LIMCH1: variants seen among roughly 807,000 people sequenced by gnomAD.
LIMCH1 encodes the protein LIM and calponin homology domains 1.
In LIMCH1, 113 loss-of-function variants were observed where a neutral mutation model predicts 176.5. The observed-to-expected ratio is 0.64, with a 90% CI of 0.55 to 0.75. The LOEUF is 0.75. Among genes scored for constraint, LIMCH1 ranks in the 30% least tolerant of loss-of-function variants. The pLI, the probability that LIMCH1 is intolerant of heterozygous loss-of-function variation, is 0.00. For missense variants in LIMCH1, 1,674 were observed against 1,814.9 expected (o/e 0.92, Z 1.41); for synonymous variants, 619 against 645.9 (o/e 0.96, Z 0.63).
chr4:41,390,269 A>AGAGAGAGAGAGAGAGAGAGAGAGAGC (rs760332127), intron 1 of LIMCH1, among the ~76,000 whole-genome samples: 1 of 150,422 alleles, frequency 6.6e-6, no homozygotes, highest in Middle Eastern at 3.4e-3. Context: ...AGAGAGAGAG[A>AGAGAGAGAGAGAGAGAGAGAGAGAGC]GAGAGCGAGA....
chr4:41,400,956 G>A (rs576570114), intron 1 of LIMCH1, among the ~76,000 whole-genome samples: 12 of 152,066 alleles, frequency 7.9e-5, no homozygotes, highest in East Asian at 5.8e-4. Context: ...AGTAGGTTGC[G>A]AAAATTTTCT....
At chr4:41,463,545 C>T (rs1435978868) in intron 1 of LIMCH1, among the ~76,000 whole-genome samples, 1 of 151,678 alleles carries the variant, frequency 6.6e-6, no homozygotes, top group Non-Finnish European at 1.5e-5. Flanking sequence ...CTGCTCCCTA[C>T]CCCTCACTTC....
At chr4:41,567,026 C>G (rs1458808402) in intron 1 of LIMCH1, among the ~76,000 whole-genome samples, 2 of 152,186 alleles carry the variant, frequency 1.3e-5, no homozygotes, top group African/African-American at 4.8e-5. Context: ...TGCTCAAACT[C>G]CTCTATTCTT....
rs569511835 is a variant in LIMCH1, at chr4:41,666,070, C to T, written c.3292-491C>T. ...GGCAAAGTATACTGTCTTTAATGTGCTTTGCATAAATTTGTGGGGGGTTAT... is the reference window on the plus strand; with the variant it reads ...GGCAAAGTATACTGTCTTTAATGTGTTTTGCATAAATTTGTGGGGGGTTAT... On this transcript the variant is annotated intron_variant, in intron 20 of 31. Transcript: ENST00000503057. Among the ~76,000 whole-genome samples, 56 of 152,224 alleles carry T rather than the reference C, an allele frequency of 3.7e-4. 1 individual carries two copies. In the South Asian group the frequency reaches 8.7e-3, roughly 24 times the overall value.
intron 1 of LIMCH1, chr4:41,551,224 T>C (rs2080369032): frequency 6.6e-6 from 1 of 152,198 alleles, no homozygotes; most frequent in South Asian, 2.1e-4. Flanking sequence ...AGGGGAAATA[T>C]GTCTTTGATC....
intron 24 of LIMCH1, 128 bp downstream of exon 24, chr4:41,680,226 A>G (rs1714610980): frequency 6.0e-6 from 4 of 661,276 alleles, no homozygotes; most frequent in South Asian, 3.7e-5. Context: ...GCAGAATCCC[A>G]TCAAGCTCTT....
chr4:41,682,124 C>G (rs1238647970), intron 25 of LIMCH1, among the ~76,000 whole-genome samples: 1 of 152,160 alleles, frequency 6.6e-6, no homozygotes, highest in Non-Finnish European at 1.5e-5. Context: ...CTAATCAATT[C>G]CCTTTTGTGA....
chr4:41,495,694 A>G (rs1162479976), intron 2 of LIMCH1, among the ~76,000 whole-genome samples: 1 of 152,164 alleles, frequency 6.6e-6, no homozygotes, highest in Non-Finnish European at 1.5e-5. Flanking sequence ...ATAATAAAAA[A>G]TGTATAACTC....
chr4:41,566,189 G>A (rs1200620078), intron 1 of LIMCH1, among the ~76,000 whole-genome samples: 1 of 152,092 alleles, frequency 6.6e-6, no homozygotes, highest in Non-Finnish European at 1.5e-5. Flanking sequence ...CATCTATGAG[G>A]ACTGGAATCA....
intron 1 of LIMCH1, among the ~76,000 whole-genome samples, chr4:41,540,648 A>G (rs1223685346): frequency 6.6e-6 from 1 of 152,190 alleles, no homozygotes; most frequent in Non-Finnish European, 1.5e-5. Context: ...CTGAGGCAGG[A>G]GAATCGCTTG....
At chr4:41,617,770 A>G (rs893232832) in intron 5 of LIMCH1, among the ~76,000 whole-genome samples, 3 of 152,156 alleles carry the variant, frequency 2.0e-5, no homozygotes, top group Admixed American at 6.5e-5. Context: ...TTTTATTCCT[A>G]TTTTACAGAA....
At chr4:41,429,677 T>C (rs1393495558) in intron 1 of LIMCH1, among the ~76,000 whole-genome samples, 1 of 152,234 alleles carries the variant, frequency 6.6e-6, no homozygotes, top group Non-Finnish European at 1.5e-5. Context: ...TCATTAAATT[T>C]TCATTCAGTG....
At chr4:41,405,611 A>T (rs1476638946) in intron 1 of LIMCH1, among the ~76,000 whole-genome samples, 1 of 151,922 alleles carries the variant, frequency 6.6e-6, no homozygotes, top group Admixed American at 6.6e-5. Context: ...GTAGTCCATT[A>T]CCCCTCCTCT....
At chr4:41,424,851 CA>C (rs1236640817) in intron 1 of LIMCH1, among the ~76,000 whole-genome samples, 3 of 152,184 alleles carry the variant, frequency 2.0e-5, no homozygotes, top group Admixed American at 6.5e-5. Flanking sequence ...TGGTATCATT[CA>C]TCTTCTGTTT....
intron 21 of LIMCH1, chr4:41,671,061 A>G (rs1485292693): frequency 1.3e-6 from 1 of 757,984 alleles, no homozygotes; most frequent in African/African-American, 1.9e-5. Context: ...CTGCCTTTAA[A>G]AAAAAAAAAA....
intron 10 of LIMCH1, 116 bp downstream of exon 10, chr4:41,631,593 T>C: frequency 6.0e-6 from 5 of 839,394 alleles, no homozygotes; most frequent in Non-Finnish European, 8.8e-6. Context: ...TAACAGACTA[T>C]GTATAGCAGA....
intron 2 of LIMCH1, among the ~76,000 whole-genome samples, chr4:41,522,244 A>G (rs942067044): frequency 4.6e-5 from 7 of 152,308 alleles, no homozygotes; most frequent in Admixed American, 3.3e-4. Flanking sequence ...CTCCATATGT[A>G]TGGATGAGGG....
At chr4:41,598,412 T>A (rs1359611953) in intron 1 of LIMCH1, among the ~76,000 whole-genome samples, 1 of 152,092 alleles carries the variant, frequency 6.6e-6, no homozygotes, top group Non-Finnish European at 1.5e-5. Context: ...ACTCAGTGTA[T>A]AATCCACAAA....
At chr4:41,436,074 C>T (rs565563247) in intron 1 of LIMCH1, among the ~76,000 whole-genome samples, 4 of 152,208 alleles carry the variant, frequency 2.6e-5, no homozygotes, top group African/African-American at 7.2e-5. Context: ...AAGTTTAGTT[C>T]TAATAAAGCT....
Sources: gnomAD v4.1 joint callset for allele counts (sites outside exome capture counted in the v4.1 genomes callset) on GRCh38, gnomAD v4.1.1 for gene constraint, MANE v1.5 for transcripts, NCBI Gene and HGNC (gene_info 2026-07-23, HGNC 2026-07-21) for gene names.